The following IDUA variants were observed in gnomAD, a reference collection of about 807,000 sequenced individuals.
The protein encoded by IDUA is iduronidase alpha-L-.
A neutral mutation model predicts 68.9 loss-of-function variants in IDUA; 65 were observed. The ratio of observed to expected loss-of-function variants is 0.94; its 90% CI spans 0.77 to 1.16. The LOEUF (loss-of-function observed/expected upper bound fraction) is 1.16. IDUA is among the 50% of genes most tolerant of loss of function. The pLI, the probability that IDUA is intolerant of heterozygous loss-of-function variation, is 0.00. For synonymous variants in IDUA, 529 were observed against 433.6 expected (o/e 1.22, Z -2.73); for missense variants, 1,046 against 938.0 (o/e 1.12, Z -1.50).
At position 1,002,352 on chromosome 4, in the gene IDUA, C is replaced by T. The variant is rs776110061; in HGVS notation, c.1056C>T (p.Phe352=). 1.9e-6 allele frequency: 3 copies of T among 1,612,996 alleles called. No homozygotes were observed. Among genetic ancestry groups the T allele is most frequent in the East Asian group, 4.5e-5 (2 of 44,872 alleles). Residue 352 remains phenylalanine, a synonymous_variant, in exon 8 of 14, where the codon TTC becomes TTT. Coordinates refer to ENST00000514224, the MANE Select transcript of IDUA (RefSeq NM_000203.5). ...PYALLSNDNA[F]LSYHPHPFAQ... is the part of the protein sequence containing the mutation. The stretch of plus-strand genomic sequence containing the variant: ...CGCTCCTGAGCAACGACAATGCCTT[C>T]CTGAGCTACCACCCGCACCCCTTCG...
intron 2 of IDUA, chr4:991,524 C>T: frequency 1.2e-6 from 2 of 1,607,508 alleles, no homozygotes; most frequent in Non-Finnish European, 1.7e-6. Context: ...GGTACTGACG[C>T]AGCCAGCGCG....
intron 2 of IDUA, among the ~76,000 whole-genome samples, chr4:997,319 C>T (rs1714797120): frequency 6.6e-6 from 1 of 151,078 alleles, no homozygotes; most frequent in Non-Finnish European, 1.5e-5. Flanking sequence ...CGGGCCCGGC[C>T]TCCGCCCCTG....
chr4:990,026 C>T (rs748936783), intron 2 of IDUA: 27 of 1,591,522 alleles, frequency 1.7e-5, no homozygotes, highest in Middle Eastern at 1.6e-4. Context: ...AAGTGCGACA[C>T]GAGTGTGGCC....
Position 1,000,708 on chromosome 4 carries a change from G to C in IDUA, c.385+11G>C, listed in dbSNP as rs1715020185. On this transcript the variant is annotated intron_variant, in intron 3 of 13. Transcript: ENST00000514224. ...ACCAGCTCCTCCCAGGTGAGCTGTGGGCTCTGCCCTCCCAGCCCGCCTGCA... is the reference window on the plus strand; with the variant it reads ...ACCAGCTCCTCCCAGGTGAGCTGTGCGCTCTGCCCTCCCAGCCCGCCTGCA... 2.5e-6 allele frequency: 4 copies of C among 1,599,444 alleles called. No homozygotes were observed. Among genetic ancestry groups the C allele is most frequent in the Non-Finnish European group, 3.4e-6 (4 of 1,168,396 alleles).
Position 1,003,395 on chromosome 4 carries a change from C to G in IDUA, c.1575C>G (p.Thr525=). The change falls in exon 11 of 14, where the codon ACC becomes ACG. Residue 525 remains threonine (T), a synonymous_variant. Transcript: ENST00000514224. ...PRPLPAGGRL[T]LRPALRLPSL... Reference sequence around the variant, plus strand: ...CCTTACCCGCCGGCGGCCGCCTGACCCTGCGCCCCGCGCTGCGGCTGCCGT... The same window carrying G: ...CCTTACCCGCCGGCGGCCGCCTGACGCTGCGCCCCGCGCTGCGGCTGCCGT... The G allele has an allele frequency of 6.6e-7, 1 of 1,522,464 alleles. No homozygotes were observed. The highest frequency in any genetic ancestry group is 1.2e-5 in the South Asian group (1 of 82,704). The allele number at this position is 1,522,464 out of a possible 1,614,324, so 94.3% of individuals were successfully genotyped here.
At chr4:991,955 C>T (rs772940491) in intron 2 of IDUA, 33 of 805,530 alleles carry the variant, frequency 4.1e-5, no homozygotes, top group South Asian at 7.3e-5. Flanking sequence ...GATGGGATTA[C>T]GACACCAAGC....
Position 987,093 on chromosome 4 carries a change from C to T in IDUA, c.9C>T (p.Pro3=), listed in dbSNP as rs1380904636. The change falls in exon 1 of 14, where the codon CCC becomes CCT. Residue 3 remains proline, a synonymous_variant. Coordinates refer to ENST00000514224, the MANE Select transcript of IDUA (RefSeq NM_000203.5). The stretch of plus-strand genomic sequence containing the variant: ...CCCGAGCACGCGTGGCCATGCGTCC[C>T]CTGCGCCCCCGCGCCGCGCTGCTGG... MR[P]LRPRAALLAL... 6.1e-6 allele frequency: 9 copies of T among 1,472,060 alleles called. No individual in the cohort carries two copies. The highest frequency in any genetic ancestry group is 7.2e-6 in the Non-Finnish European group (8 of 1,117,996). 91.2% of individuals were successfully genotyped at this position (1,472,060 alleles called of 1,614,324 possible).
rs1401009165 is a variant in IDUA at position 1,003,182 on chromosome 4, G to A, written c.1524+25G>A. On this transcript the variant is annotated intron_variant, in intron 10 of 13. Coordinates refer to ENST00000514224, the MANE Select transcript of IDUA (RefSeq NM_000203.5). ...GGTAGGTGGGCCGCGGAGGGGCGAGGGGCCGGGCCGGGCCGGGGTCCCGGG... is the reference window on the plus strand; with the variant it reads ...GGTAGGTGGGCCGCGGAGGGGCGAGAGGCCGGGCCGGGCCGGGGTCCCGGG... 3.6e-5 allele frequency: 48 copies of A among 1,316,934 alleles called. No individual in the cohort carries two copies. In the Admixed American group the frequency reaches 1.3e-3, roughly 36 times the overall value. The allele number at this position is 1,316,934 out of a possible 1,614,324, so 81.6% of individuals were successfully genotyped here. A position where few individuals can be genotyped will look rare whatever the true frequency, so the allele number is the denominator to read the frequency against.
intron 2 of IDUA, chr4:991,119 G>A: frequency 6.5e-7 from 1 of 1,529,392 alleles, no homozygotes; most frequent in Non-Finnish European, 8.8e-7. Flanking sequence ...CCCAAGCAGG[G>A]CTCCTCACCT....
chr4:1,001,173 T>TG, intron 4 of IDUA, 184 bp downstream of exon 4: 2 of 593,214 alleles, frequency 3.4e-6, no homozygotes, highest in South Asian at 1.9e-5. Flanking sequence ...GGCCCCAGGC[T>TG]GGGGGGTACT....
Position 1,002,038 on chromosome 4 carries a change from C to G in IDUA, c.849C>G (p.Ile283Met). 6.3e-7 allele frequency: 1 copy of G among 1,598,626 alleles called. No homozygotes were observed. Among genetic ancestry groups the G allele is most frequent in the Non-Finnish European group, 8.5e-7 (1 of 1,174,274 alleles). The change falls in exon 7 of 14, where the codon ATC becomes ATG. Residue 283 changes from isoleucine (I) to methionine (M), a missense_variant. Ile to Met is a conservative substitution (Grantham distance 10). Transcript: ENST00000514224. ...LEQEKVVAQQ[I>M]RQLFPKFADT... is the part of the protein sequence containing the mutation. ...AGGAGAAGGTCGTCGCGCAGCAGAT[C>G]CGGCAGCTCTTCCCCAAGTTCGCGG...
chr4:989,096 CGAT>C, intron 2 of IDUA: 1 of 1,602,208 alleles, frequency 6.2e-7, no homozygotes, highest in South Asian at 1.1e-5. Flanking sequence ...GGGGCGCAGT[CGAT>C]GACCACTGTG....
Position 1,004,075 on chromosome 4 carries a change from G to A in IDUA, c.1791G>A (p.Arg597=). 1.9e-6 allele frequency: 3 copies of A among 1,612,694 alleles called. No individual in the cohort carries two copies. Among genetic ancestry groups the A allele is most frequent in the East Asian group, 4.5e-5 (2 of 44,862 alleles). ...GTAAGGCGTACACCCCGGTCAGCAG[G>A]AAGCCATCGACCTTCAACCTCTTTG... is the stretch of plus-strand genomic sequence containing the variant. ...QDGKAYTPVS[R]KPSTFNLFVF... Residue 597 remains arginine (R), a synonymous_variant, in exon 13 of 14, where the codon AGG becomes AGA. Transcript: ENST00000514224. The surrounding 1 kb of genome is among the most constrained non-coding windows in gnomAD (Gnocchi z 5.0).
chr4:1,002,547 G>A, intron 8 of IDUA, 62 bp downstream of exon 8: 1 of 1,376,400 alleles, frequency 7.3e-7, no homozygotes, highest in Non-Finnish European at 9.4e-7. Flanking sequence ...CGGCTCCTGC[G>A]AAGGCCCCGC....
chr4:1,003,858 TC>T, intron 12 of IDUA, 153 bp from the exon 13 acceptor site: 2 of 834,120 alleles, frequency 2.4e-6, no homozygotes, highest in Non-Finnish European at 4.1e-6. Context: ...TCCAGCCCTC[TC>T]CTGCCTGGGC....
Position 1,002,012 on chromosome 4 carries a change from CAGG to C in IDUA, c.826_828del (p.Glu276del). 1.3e-6 allele frequency: 2 copies of C among 1,595,740 alleles called. No individual in the cohort carries two copies. Among genetic ancestry groups the C allele is most frequent in the African/African-American group, 1.3e-5 (1 of 74,946 alleles). ...GCGCAGCTCCATCTCCATCCTGGAG[CAGG>C]AGAAGGTCGTCGCGCAGCAGATCCG... On this transcript the variant is annotated inframe_deletion, in exon 7 of 14. Transcript: ENST00000514224.
In IDUA at chr4:1,004,246, C is replaced by T; in HGVS notation, c.1829-14C>T. Reference sequence around the variant, plus strand: ...GGCAGGTTCCGGTTGGCACACATGTCCCCTTGTCTCCAGACACAGGTGCTG... The same window carrying T: ...GGCAGGTTCCGGTTGGCACACATGTTCCCTTGTCTCCAGACACAGGTGCTG... On this transcript the variant is annotated splice_polypyrimidine_tract_variant and intron_variant, in intron 13 of 13. Transcript: ENST00000514224. The surrounding 1 kb of genome is among the most constrained non-coding windows in gnomAD (Gnocchi z 5.0). 3 of 1,609,442 alleles carry T rather than the reference C, an allele frequency of 1.9e-6. No individual in the cohort carries two copies. The highest frequency in any genetic ancestry group is 1.7e-6 in the Non-Finnish European group (2 of 1,179,946).
intron 2 of IDUA, chr4:991,738 C>G (rs573329794): frequency 3.3e-6 from 5 of 1,527,144 alleles, no homozygotes; most frequent in Non-Finnish European, 4.4e-6. Flanking sequence ...GACCTGCGGC[C>G]GAGAAGAGGG....
intron 2 of IDUA, chr4:990,248 G>C: frequency 3.2e-6 from 5 of 1,587,000 alleles, no homozygotes; most frequent in Non-Finnish European, 4.3e-6. Flanking sequence ...ACGCCCAGCA[G>C]GTGTTTGAGC....
Sources: allele counts gnomAD v4.1 joint callset (sites outside exome capture counted in the v4.1 genomes callset), GRCh38; gene constraint gnomAD v4.1.1; non-coding constraint Gnocchi (gnomAD v3.1); transcripts MANE v1.5; gene names NCBI Gene and HGNC (gene_info 2026-07-23, HGNC 2026-07-21).